Variants in CHSY3 observed in about 807,000 individuals in gnomAD.
The protein encoded by CHSY3 is chondroitin sulfate synthase 3.
CHSY3 carries 35 observed loss-of-function variants against 67.2 expected under a neutral mutation model. The observed-to-expected ratio is 0.52, with a 90% confidence interval of 0.40 to 0.69. The LOEUF (loss-of-function observed/expected upper bound fraction) is 0.69. Ranked by LOEUF, CHSY3 falls within the 30% of genes least tolerant of loss-of-function variation. CHSY3 has a pLI of 0.00. For synonymous variants in CHSY3, 474 were observed against 434.7 expected (o/e 1.09, Z -1.12); for missense variants, 1,069 against 1,138.5 (o/e 0.94, Z 0.88).
At chr5:129,954,462 G>C (rs1314898043) in intron 2 of CHSY3, among the ~76,000 whole-genome samples, 1 of 143,872 alleles carries the variant, frequency 7.0e-6, no homozygotes, top group East Asian at 2.0e-4. Context: ...TGGCTATACG[G>C]TTTTTTTTTT....
chr5:130,097,821 G>C (rs1767100100), intron 2 of CHSY3, among the ~76,000 whole-genome samples: 1 of 152,056 alleles, frequency 6.6e-6, no homozygotes, highest in African/African-American at 2.4e-5. Flanking sequence ...GGCTAACACG[G>C]TGAAACCCCG....
Position 130,056,658 on chromosome 5 carries a change from T to C in CHSY3, c.1087-127571T>C, listed in dbSNP as rs138033458. On this transcript the variant is annotated intron_variant, in intron 2 of 2. Coordinates refer to ENST00000305031, the MANE Select transcript of CHSY3 (RefSeq NM_175856.5). ...TTAAAGTAAATGTCATTTTTATTTA[T>C]AGCATGCAGTGCACAGAGTAGTGTA... is the stretch of plus-strand genomic sequence containing the variant. 9.3e-4 allele frequency among the ~76,000 whole-genome samples: 141 copies of C among 152,294 alleles called. 1 individual carries two copies. Among genetic ancestry groups the C allele is most frequent in the African/African-American group, 3.3e-3 (137 of 41,562 alleles).
chr5:129,964,322 C>T (rs1322749299), intron 2 of CHSY3, among the ~76,000 whole-genome samples: 3 of 151,796 alleles, frequency 2.0e-5, no homozygotes, highest in African/African-American at 7.3e-5. Flanking sequence ...GGTGGAATTC[C>T]CACTCCTACT....
intron 2 of CHSY3, among the ~76,000 whole-genome samples, chr5:129,932,126 A>G (rs200259201): frequency 1.4e-5 from 1 of 72,542 alleles, no homozygotes; most frequent in Non-Finnish European, 3.4e-5. Context: ...ATATATATAT[A>G]TATATATATA....
rs549621285 is a variant in CHSY3, at chr5:130,184,214, A to G, written c.1087-15A>G. 2.8e-6 allele frequency: 4 copies of G among 1,453,264 alleles called. No homozygotes were observed. In the African/African-American group the frequency reaches 5.7e-5, roughly 21 times the overall value. The allele number at this position is 1,453,264 out of a possible 1,614,324, so 90.0% of individuals were successfully genotyped here. ...TTTTAAAATTAACCCTGATTTTTTT[A>G]ATTTTACTTTTCAGATGCAACAACT... On this transcript the variant is annotated splice_polypyrimidine_tract_variant and intron_variant, in intron 2 of 2. Coordinates refer to ENST00000305031, the MANE Select transcript of CHSY3 (RefSeq NM_175856.5).
chr5:130,011,989 A>G (rs1764075656), intron 2 of CHSY3, among the ~76,000 whole-genome samples: 1 of 152,244 alleles, frequency 6.6e-6, no homozygotes, highest in African/African-American at 2.4e-5. Flanking sequence ...AAAACATCCC[A>G]TGCTCATGAA....
chr5:129,998,049 G>A (rs140229657), intron 2 of CHSY3, among the ~76,000 whole-genome samples: 2 of 152,222 alleles, frequency 1.3e-5, no homozygotes, highest in African/African-American at 4.8e-5. Context: ...TGGGTCAAAT[G>A]GTATTTCTAG....
chr5:130,088,766 T>A (rs1766763822), intron 2 of CHSY3, among the ~76,000 whole-genome samples: 1 of 152,286 alleles, frequency 6.6e-6, no homozygotes, highest in East Asian at 1.9e-4. Context: ...ACTTTTACAT[T>A]GTTGGTGGGA....
intron 2 of CHSY3, among the ~76,000 whole-genome samples, chr5:130,134,727 A>G (rs1337205872): frequency 6.6e-6 from 1 of 152,150 alleles, no homozygotes; most frequent in African/African-American, 2.4e-5. Flanking sequence ...TTCTACACAC[A>G]AAGTGTTTAG....
chr5:129,943,512 A>G (rs1262535084), intron 2 of CHSY3, among the ~76,000 whole-genome samples: 3 of 152,212 alleles, frequency 2.0e-5, no homozygotes, highest in Admixed American at 2.0e-4. Flanking sequence ...TTATTGTCAG[A>G]TATAAGCTGA....
chr5:129,907,849 T>C (rs575775133), intron 1 of CHSY3, among the ~76,000 whole-genome samples: 1 of 152,308 alleles, frequency 6.6e-6, no homozygotes, highest in South Asian at 2.1e-4. Context: ...CTGTTAAGGT[T>C]TTTCAGTGAC....
intron 2 of CHSY3, among the ~76,000 whole-genome samples, chr5:130,133,982 A>T (rs566205635): frequency 3.4e-4 from 52 of 152,174 alleles, no homozygotes; most frequent in African/African-American, 1.2e-3. Flanking sequence ...GTTATTAAGT[A>T]TTGTTACTAT....
chr5:130,092,243 T>G (rs566031680), intron 2 of CHSY3, among the ~76,000 whole-genome samples: 1 of 152,266 alleles, frequency 6.6e-6, no homozygotes, highest in East Asian at 1.9e-4. Flanking sequence ...GGAGAATAAT[T>G]TTCTCTCTAC....
At chr5:130,017,392 T>G (rs73785852) in intron 2 of CHSY3, among the ~76,000 whole-genome samples, 82 of 152,222 alleles carry the variant, frequency 5.4e-4, no homozygotes, top group African/African-American at 2.0e-3. Flanking sequence ...TTCTCAAATC[T>G]TCCCACTGCC....
At chr5:130,133,198 G>C (rs1412551544) in intron 2 of CHSY3, among the ~76,000 whole-genome samples, 1 of 152,122 alleles carries the variant, frequency 6.6e-6, no homozygotes, top group African/African-American at 2.4e-5. Flanking sequence ...AGCACCATGA[G>C]AAGGGCAAGA....
chr5:130,186,424 T>C lies in CHSY3; in HGVS notation c.*633T>C, dbSNP rs902574282. 2 of 152,796 alleles carry C rather than the reference T, an allele frequency of 1.3e-5. No individual in the cohort carries two copies. The highest frequency in any genetic ancestry group is 4.8e-5 in the African/African-American group (2 of 41,468). The allele number at this position is 152,796 out of a possible 1,614,324, so 9.5% of individuals were successfully genotyped here. A position where few individuals can be genotyped will look rare whatever the true frequency, so the allele number is the denominator to read the frequency against. ...ACCGGTACTGGCTACCCTGGTCTTATGACAATTATGAGCTCCTCACAACTG... is the reference window on the plus strand; with the variant it reads ...ACCGGTACTGGCTACCCTGGTCTTACGACAATTATGAGCTCCTCACAACTG... On this transcript the variant is annotated 3_prime_UTR_variant, in exon 3 of 3. Transcript: ENST00000305031.
chr5:130,151,904 C>A (rs1014390636), intron 2 of CHSY3, among the ~76,000 whole-genome samples: 1 of 152,170 alleles, frequency 6.6e-6, no homozygotes, highest in African/African-American at 2.4e-5. Flanking sequence ...AGGCAAAATT[C>A]ATCCCCTCAC....
chr5:130,019,148 ATT>A (rs34384947), intron 2 of CHSY3, among the ~76,000 whole-genome samples: 4 of 151,622 alleles, frequency 2.6e-5, no homozygotes, highest in African/African-American at 9.7e-5. Flanking sequence ...GTAGAAAAAA[ATT>A]TTTTTTTCTA....
intron 2 of CHSY3, among the ~76,000 whole-genome samples, chr5:130,178,294 C>T (rs1269887398): frequency 1.5e-4 from 19 of 127,146 alleles, no homozygotes; most frequent in Non-Finnish European, 2.5e-4. Context: ...CTCACTCTGT[C>T]ACCCAGGCTG....
Sources: gnomAD v4.1 joint callset for allele counts (sites outside exome capture counted in the v4.1 genomes callset) on GRCh38, gnomAD v4.1.1 for gene constraint, MANE v1.5 for transcripts, NCBI Gene and HGNC (gene_info 2026-07-23, HGNC 2026-07-21) for gene names.